The following KCNH7 variants were observed in gnomAD, a reference collection of about 807,000 sequenced individuals.
KCNH7 encodes potassium voltage-gated channel subfamily H member 7.
KCNH7 carries 49 observed loss-of-function variants against 120.8 expected under a neutral mutation model. That is an observed-to-expected ratio of 0.41 (90% CI 0.32 to 0.51). KCNH7 has a LOEUF of 0.51. Among genes scored for constraint, KCNH7 ranks in the 20% least tolerant of loss-of-function variants. The probability of loss-of-function intolerance (pLI) is 0.38; values close to 1 mark genes in which losing one functional copy is unlikely to be tolerated. For missense variants in KCNH7, 1,097 were observed against 1,446.6 expected, an observed-to-expected ratio of 0.76 and a Z score of 3.92; for synonymous variants, 547 against 516.1, an observed-to-expected ratio of 1.06 and a Z score of -0.81.
At chr2:162,646,690 A>T (rs1460661837) in intron 2 of KCNH7, among the ~76,000 whole-genome samples, 1 of 152,210 alleles carries the variant, frequency 6.6e-6, no homozygotes, top group African/African-American at 2.4e-5. Flanking sequence ...GGACCATAAG[A>T]GAAGAAATGT....
intron 5 of KCNH7, among the ~76,000 whole-genome samples, chr2:162,505,724 C>A (rs1241258971): frequency 6.6e-6 from 1 of 151,714 alleles, no homozygotes; most frequent in African/African-American, 2.4e-5. Flanking sequence ...ATTTTTGTGC[C>A]CCAGGAAGTG....
intron 11 of KCNH7, among the ~76,000 whole-genome samples, chr2:162,394,938 C>T (rs1169275802): frequency 6.6e-6 from 1 of 151,790 alleles, no homozygotes; most frequent in African/African-American, 2.4e-5. Flanking sequence ...TCTTCCTCCT[C>T]CTCCATAGCC....
chr2:162,582,834 A>G (rs1395243642), intron 2 of KCNH7, among the ~76,000 whole-genome samples: 1 of 152,088 alleles, frequency 6.6e-6, no homozygotes, highest in African/African-American at 2.4e-5. Context: ...CTACCCAGAT[A>G]AGGAGATTAA....
At chr2:162,408,775 T>C (rs1158169018) in intron 9 of KCNH7, among the ~76,000 whole-genome samples, 4 of 151,908 alleles carry the variant, frequency 2.6e-5, no homozygotes, top group Non-Finnish European at 5.9e-5. Context: ...AGAAATTTTA[T>C]AGTCACTAAA....
chr2:162,618,891 G>A (rs949746622), intron 2 of KCNH7, among the ~76,000 whole-genome samples: 9 of 152,138 alleles, frequency 5.9e-5, no homozygotes, highest in Non-Finnish European at 2.9e-5. Context: ...ATTAGACTAA[G>A]CAGTGTTGCT....
intron 8 of KCNH7, among the ~76,000 whole-genome samples, chr2:162,428,759 A>C (rs921896376): frequency 4.6e-5 from 7 of 151,758 alleles, no homozygotes; most frequent in African/African-American, 1.7e-4. Flanking sequence ...ATATTTGTCT[A>C]TTTTATCTTT....
At chr2:162,453,571 C>T (rs1294733914) in intron 6 of KCNH7, among the ~76,000 whole-genome samples, 1 of 152,132 alleles carries the variant, frequency 6.6e-6, no homozygotes, top group African/African-American at 2.4e-5. Flanking sequence ...CTAATTTACA[C>T]TCCCACCAAC....
At chr2:162,797,345 G>A (rs1054827971) in intron 2 of KCNH7, 8 of 152,036 alleles carry the variant, frequency 5.3e-5, no homozygotes, top group African/African-American at 1.7e-4. Context: ...TTTATTAATA[G>A]CTTTTAGGAT....
At chr2:162,603,921 C>A (rs1308075834) in intron 2 of KCNH7, among the ~76,000 whole-genome samples, 6 of 151,996 alleles carry the variant, frequency 3.9e-5, no homozygotes, top group Non-Finnish European at 7.4e-5. Flanking sequence ...AGATGGTAGA[C>A]AAATACCTAA....
intron 9 of KCNH7, among the ~76,000 whole-genome samples, chr2:162,402,568 G>A (rs1687096882): frequency 6.6e-6 from 1 of 151,402 alleles, no homozygotes; most frequent in African/African-American, 2.4e-5. Flanking sequence ...AGATAAAGAT[G>A]TATAAAGCAT....
intron 2 of KCNH7, among the ~76,000 whole-genome samples, chr2:162,686,878 A>G (rs1194120379): frequency 6.6e-6 from 1 of 152,024 alleles, no homozygotes; most frequent in Non-Finnish European, 1.5e-5. Flanking sequence ...AAGATGAACA[A>G]TTTTCTGTTC....
chr2:162,728,560 C>G (rs1003427884), intron 2 of KCNH7, among the ~76,000 whole-genome samples: 1 of 152,156 alleles, frequency 6.6e-6, no homozygotes, highest in East Asian at 1.9e-4. Flanking sequence ...AGGCGGATCA[C>G]CTGAGGTCAG....
intron 2 of KCNH7, among the ~76,000 whole-genome samples, chr2:162,792,405 T>C (rs1442936327): frequency 6.6e-6 from 1 of 152,082 alleles, no homozygotes; most frequent in African/African-American, 2.4e-5. Context: ...TGTGAATCCA[T>C]CTGGCCCTGG....
In KCNH7 at chr2:162,396,773, C is replaced by G. The variant is rs1686923309; in HGVS notation, c.2580G>C (p.Glu860Asp). Residue 860 changes from glutamate to aspartate, a missense_variant, in exon 11 of 16, where the codon GAG becomes GAC. Physicochemically the swap from Glu to Asp is conservative, Grantham distance 45. Coordinates refer to ENST00000332142, the MANE Select transcript of KCNH7 (RefSeq NM_033272.4). ...TCTCATGCCTTAGGTTGAAAGTCAA[C>G]TCTAGGTTTGTTAGAAAGTGATCAG... ...EFSDHFLTNL[E>D]LTFNLRHESA... 6.2e-7 allele frequency: 1 copy of G among 1,611,286 alleles called. No individual in the cohort carries two copies. Among genetic ancestry groups the G allele is most frequent in the African/African-American group, 1.3e-5 (1 of 74,746 alleles).
At chr2:162,732,174 G>T (rs963687971) in intron 2 of KCNH7, among the ~76,000 whole-genome samples, 5 of 152,116 alleles carry the variant, frequency 3.3e-5, no homozygotes, top group African/African-American at 4.8e-5. Flanking sequence ...GGGACTACGT[G>T]TGAAGAGGAT....
At chr2:162,639,574 T>C (rs1684076997) in intron 2 of KCNH7, among the ~76,000 whole-genome samples, 5 of 152,046 alleles carry the variant, frequency 3.3e-5, no homozygotes, top group Admixed American at 6.6e-5. Flanking sequence ...TAAAAAAGCA[T>C]TAAAATAGCT....
chr2:162,642,890 A>C (rs1684215595), intron 2 of KCNH7, among the ~76,000 whole-genome samples: 1 of 152,244 alleles, frequency 6.6e-6, no homozygotes, highest in South Asian at 2.1e-4. Context: ...AACTGTATTT[A>C]ATTTTAAGCT....
At chr2:162,505,870 C>G (rs1690860532) in intron 5 of KCNH7, among the ~76,000 whole-genome samples, 1 of 151,770 alleles carries the variant, frequency 6.6e-6, no homozygotes, top group African/African-American at 2.4e-5. Flanking sequence ...GGTATAAACA[C>G]TTAAAAATTA....
intron 2 of KCNH7, among the ~76,000 whole-genome samples, chr2:162,728,264 A>C (rs951051083): frequency 5.3e-5 from 8 of 151,826 alleles, no homozygotes; most frequent in Middle Eastern, 3.2e-3. Flanking sequence ...GATCTTGATA[A>C]ATTTTTTATG....
Sources: allele counts gnomAD v4.1 joint callset (sites outside exome capture counted in the v4.1 genomes callset), GRCh38; gene constraint gnomAD v4.1.1; transcripts MANE v1.5; gene names NCBI Gene and HGNC (gene_info 2026-07-23, HGNC 2026-07-21).